Variants in MYO18B observed in about 807,000 individuals in gnomAD.
MYO18B encodes the protein unconventional myosin-XVIIIb.
Under a neutral mutation model 273.0 loss-of-function variants are expected in MYO18B, and 204 were observed. That is an observed-to-expected ratio of 0.75 (90% CI 0.67 to 0.84). The LOEUF is 0.84. Among genes scored for constraint, MYO18B ranks in the 40% least tolerant of loss-of-function variants. The probability of loss-of-function intolerance (pLI) is 0.00; values close to 1 mark genes in which losing one functional copy is unlikely to be tolerated. For synonymous variants in MYO18B, 1,330 were observed against 1,305.7 expected (o/e 1.02, Z -0.40); for missense variants, 3,212 against 3,287.6 (o/e 0.98, Z 0.56).
rs2092837177 is a variant in MYO18B, at chr22:25,955,323, G to A, written c.6115G>A (p.Val2039Met). 3 of 1,613,776 alleles carry A rather than the reference G, an allele frequency of 1.9e-6. No individual in the cohort carries two copies. Among genetic ancestry groups the A allele is most frequent in the Non-Finnish European group, 2.5e-6 (3 of 1,179,806 alleles). Residue 2039 changes from valine (V) to methionine (M), a missense_variant, in exon 39 of 44, where the codon GTG becomes ATG. Transcript: ENST00000335473. ...GCTGAAGGCCGACATGGAAGAGCTG[G>A]TGCAGCGGGAGGCAGAGGCCAGCCG... ...EELKADMEEL[V>M]QREAEASRRC... is the part of the protein sequence containing the mutation.
At chr22:25,965,761 A>G (rs2092971074) in intron 39 of MYO18B, among the ~76,000 whole-genome samples, 2 of 152,224 alleles carry the variant, frequency 1.3e-5, no homozygotes, top group Admixed American at 1.3e-4. Context: ...GTAAGCTTGT[A>G]TCATTTAATC....
chr22:25,901,005 G>A (rs1011154815), intron 29 of MYO18B: 1 of 152,188 alleles, frequency 6.6e-6, no homozygotes, highest in Non-Finnish European at 1.5e-5. Flanking sequence ...TTGTAAGGAC[G>A]ACATGGATCC....
intron 33 of MYO18B, among the ~76,000 whole-genome samples, chr22:25,915,224 TA>T (rs2092242192): frequency 6.6e-6 from 1 of 152,190 alleles, no homozygotes; most frequent in Non-Finnish European, 1.5e-5. Flanking sequence ...CTTTGATAAT[TA>T]CAGTGATGGA....
intron 40 of MYO18B, among the ~76,000 whole-genome samples, chr22:26,001,821 A>T (rs1193169192): frequency 6.6e-6 from 1 of 152,236 alleles, no homozygotes. Flanking sequence ...TGCCGAGTCC[A>T]CCCGTGGGGC....
intron 28 of MYO18B, 155 bp from the exon 29 acceptor site, chr22:25,898,152 G>T: frequency 1.4e-6 from 1 of 726,728 alleles, no homozygotes; most frequent in Non-Finnish European, 2.2e-6. Context: ...TCCTGGAGGT[G>T]ACCCTGGAGG....
intron 42 of MYO18B, among the ~76,000 whole-genome samples, chr22:26,014,851 A>T (rs1320980911): frequency 1.3e-5 from 2 of 151,096 alleles, no homozygotes; most frequent in African/African-American, 4.9e-5. Flanking sequence ...GGTCACATGT[A>T]TGCCTTCTTT....
rs1299934634 is a variant in MYO18B at position 25,895,282 on chromosome 22, T to C, written c.4668+2T>C. ...GCCAGGAAAGAGCTGGAGCAAAAGG[T>C]AAGATGTGGGGATAGTCTGGGCCAC... On this transcript the variant is annotated splice_donor_variant, in intron 28 of 43. Coordinates refer to ENST00000335473, the MANE Select transcript of MYO18B (RefSeq NM_032608.7). LOFTEE classifies it high-confidence loss of function. 6.3e-7 allele frequency: 1 copy of C among 1,593,798 alleles called. No individual in the cohort carries two copies. Among genetic ancestry groups the C allele is most frequent in the East Asian group, 2.3e-5 (1 of 43,956 alleles).
chr22:25,911,804 T>C (rs73407565), intron 33 of MYO18B, among the ~76,000 whole-genome samples: 2,761 of 152,270 alleles, frequency 0.018, 88 homozygotes, highest in African/African-American at 0.06. Context: ...GCTGTACTAA[T>C]GTAGCCAGCA....
intron 33 of MYO18B, among the ~76,000 whole-genome samples, chr22:25,915,852 A>AT (rs1193558593): frequency 3.3e-5 from 5 of 152,078 alleles, no homozygotes; most frequent in Admixed American, 1.3e-4. Context: ...TTGTTTTATA[A>AT]TTTTTTTCTC....
rs184753766 is a variant in MYO18B, at chr22:26,003,295, C to T, written c.6318C>T (p.Ser2106=). 1.2e-4 allele frequency: 196 copies of T among 1,607,732 alleles called. No homozygotes were observed. In the East Asian group the frequency reaches 1.8e-3, roughly 15 times the overall value. Residue 2106 remains serine (S), a synonymous_variant, in exon 41 of 44, where the codon AGC becomes AGT. Transcript: ENST00000335473. ...SVQTAVDCGS[S]GRKEMDNVSI... is the part of the protein sequence containing the mutation. ...AGACGGCAGTGGATTGTGGCAGCAG[C>T]GGCCGAAAAGAGATGTAAGTTAACC...
intron 27 of MYO18B, among the ~76,000 whole-genome samples, chr22:25,892,915 T>C (rs969115615): frequency 3.9e-5 from 6 of 152,198 alleles, no homozygotes; most frequent in Non-Finnish European, 7.3e-5. Context: ...AATTCATGTC[T>C]AAATAATGCT....
intron 39 of MYO18B, among the ~76,000 whole-genome samples, chr22:25,990,690 A>AAAAG (rs2093256696): frequency 1.8e-5 from 1 of 57,094 alleles, no homozygotes; most frequent in African/African-American, 1.3e-4. Context: ...TTGTCTCAAA[A>AAAAG]AAAAAAAAAA....
intron 21 of MYO18B, among the ~76,000 whole-genome samples, chr22:25,853,431 C>T (rs1167745016): frequency 6.6e-6 from 1 of 152,220 alleles, no homozygotes; most frequent in Non-Finnish European, 1.5e-5. Flanking sequence ...GACATCACCC[C>T]CAGATGTCTG....
rs2086958725 is a variant in MYO18B, at chr22:25,777,487, C to T, written c.1870-96C>T. Reference sequence around the variant, plus strand: ...GGAGGCAGATCTGGAGGCAGGGACACAGATCTGGACCCTAGGCCTGGGGCG... The same window carrying T: ...GGAGGCAGATCTGGAGGCAGGGACATAGATCTGGACCCTAGGCCTGGGGCG... On this transcript the variant is annotated intron_variant, in intron 7 of 43. Transcript: ENST00000335473. 4 of 1,203,972 alleles carry T rather than the reference C, an allele frequency of 3.3e-6. No individual in the cohort carries two copies. The Admixed American group carries it at 1.3e-4, about 40-fold the overall frequency. 74.6% of individuals were successfully genotyped at this position (1,203,972 alleles called of 1,614,324 possible). A position where few individuals can be genotyped will look rare whatever the true frequency, so the allele number is the denominator to read the frequency against.
At chr22:26,057,097 G>A in the MYO18B span, among the ~76,000 whole-genome samples, 1 of 152,138 alleles carries the variant, frequency 6.6e-6, no homozygotes, top group South Asian at 2.1e-4. Flanking sequence ...GAGGACAACC[G>A]TCCCCTGGGT....
intron 12 of MYO18B, among the ~76,000 whole-genome samples, chr22:25,817,765 T>G (rs1023823582): frequency 1.3e-5 from 2 of 152,350 alleles, no homozygotes; most frequent in Admixed American, 6.5e-5. Context: ...TGAGAAGTCC[T>G]GCAGTTAAGA....
rs149821900 is a variant in MYO18B at position 25,960,324 on chromosome 22, G to A, written c.6156+4960G>A. On this transcript the variant is annotated intron_variant, in intron 39 of 43. Coordinates refer to ENST00000335473, the MANE Select transcript of MYO18B (RefSeq NM_032608.7). The stretch of plus-strand genomic sequence containing the variant: ...TTGTTTTTCAGTAGTTACAGGGCCC[G>A]GGGGAACCACCCTGGTCCCAAGACT... Among the ~76,000 whole-genome samples, 729 of 152,194 alleles carry A rather than the reference G, an allele frequency of 4.8e-3. 8 individuals are homozygous for A. Among genetic ancestry groups the A allele is most frequent in the South Asian group, 0.021 (102 of 4,812 alleles).
intron 1 of MYO18B, among the ~76,000 whole-genome samples, chr22:25,746,784 G>C (rs2085792206): frequency 6.6e-6 from 1 of 152,198 alleles, no homozygotes; most frequent in African/African-American, 2.4e-5. Context: ...AGTGGCTACT[G>C]TATTAGTACA....
At position 25,781,808 on chromosome 22, in the gene MYO18B, G is replaced by T. The variant is rs972834293; in HGVS notation, c.2286G>T (p.Met762Ile). 2 of 1,591,608 alleles carry T rather than the reference G, an allele frequency of 1.3e-6. No individual in the cohort carries two copies. The highest frequency in any genetic ancestry group is 2.7e-5 in the African/African-American group (2 of 74,186). The change falls in exon 10 of 44, where the codon ATG (methionine) becomes ATT (isoleucine). Residue 762 changes from methionine (M) to isoleucine (I), a missense_variant. By Grantham distance (10) the Met-to-Ile change is conservative (BLOSUM62 1). Coordinates refer to ENST00000335473, the MANE Select transcript of MYO18B (RefSeq NM_032608.7). The part of the protein sequence containing the change: ...GESNFLVFSQ[M>I]LAGLDLDLRT... ...GTAACTTCCTGGTTTTCTCCCAGAT[G>T]CTGGCTGGATTGGACTTGGATCTCA...
Sources: allele counts gnomAD v4.1 joint callset (sites outside exome capture counted in the v4.1 genomes callset), GRCh38; gene constraint gnomAD v4.1.1; transcripts MANE v1.5; gene names NCBI Gene and HGNC (gene_info 2026-07-23, HGNC 2026-07-21).